Variants in GALNT13 observed in about 807,000 individuals in gnomAD.
GALNT13 encodes UDP-GalNAc:polypeptide N-acetylgalactosaminyltransferase 13.
In GALNT13, 28 loss-of-function variants were observed where a neutral mutation model predicts 64.2. The observed-to-expected ratio is 0.44, with a 90% CI of 0.32 to 0.60. The LOEUF is 0.60. Among genes scored for constraint, GALNT13 ranks in the 20% least tolerant of loss-of-function variants. GALNT13 has a pLI of 0.05. For synonymous variants in GALNT13, 214 were observed against 224.6 expected (o/e 0.95, Z 0.42); for missense variants, 577 against 669.8 (o/e 0.86, Z 1.53).
At chr2:153,695,341 A>G in the GALNT13 span, among the ~76,000 whole-genome samples, 1 of 152,210 alleles carries the variant, frequency 6.6e-6, no homozygotes, top group Non-Finnish European at 1.5e-5. Context: ...TCAAAAATAC[A>G]AGTTTATAGA....
the GALNT13 span, among the ~76,000 whole-genome samples, chr2:153,439,056 C>T: frequency 6.6e-6 from 1 of 152,174 alleles, no homozygotes; most frequent in Non-Finnish European, 1.5e-5. Context: ...CCCTCAGTTG[C>T]AGGTCTGTTG....
chr2:153,471,835 C>T, the GALNT13 span, among the ~76,000 whole-genome samples: 2 of 152,140 alleles, frequency 1.3e-5, no homozygotes, highest in African/African-American at 4.8e-5. Flanking sequence ...ATTTACTGGA[C>T]ATTTTGAGAC....
At chr2:153,734,815 CT>C in the GALNT13 span, among the ~76,000 whole-genome samples, 3 of 152,098 alleles carry the variant, frequency 2.0e-5, no homozygotes, top group Non-Finnish European at 2.9e-5. Flanking sequence ...AGTTGAACAT[CT>C]TGAGATGTAA....
chr2:153,409,414 A>G, the GALNT13 span, among the ~76,000 whole-genome samples: 1 of 141,376 alleles, frequency 7.1e-6, no homozygotes, highest in African/African-American at 2.8e-5. Flanking sequence ...CTGTCCCTCT[A>G]GAGAGCCCTG....
chr2:153,258,925 G>A, the GALNT13 span, among the ~76,000 whole-genome samples: 1 of 152,138 alleles, frequency 6.6e-6, no homozygotes, highest in Non-Finnish European at 1.5e-5. Flanking sequence ...TTATTCTATA[G>A]CCATTAGATG....
intron 3 of GALNT13, among the ~76,000 whole-genome samples, chr2:153,951,535 C>T (rs1203803347): frequency 6.6e-6 from 1 of 152,026 alleles, no homozygotes; most frequent in Non-Finnish European, 1.5e-5. Context: ...GGATTGCTTG[C>T]TTGATTCTGG....
At chr2:154,079,586 G>T (rs989383916) in intron 3 of GALNT13, among the ~76,000 whole-genome samples, 7 of 151,526 alleles carry the variant, frequency 4.6e-5, no homozygotes, top group Non-Finnish European at 4.4e-5. Flanking sequence ...TTATATGCTG[G>T]ACTACTTCTT....
chr2:153,172,349 TAG>T, the GALNT13 span, among the ~76,000 whole-genome samples: 2 of 151,882 alleles, frequency 1.3e-5, no homozygotes, highest in East Asian at 3.9e-4. Flanking sequence ...TCTCTTGAAG[TAG>T]AGAGATAGAA....
intron 3 of GALNT13, among the ~76,000 whole-genome samples, chr2:154,005,053 G>T (rs1387622620): frequency 6.6e-6 from 1 of 152,006 alleles, no homozygotes; most frequent in Non-Finnish European, 1.5e-5. Context: ...ACCTTATTTT[G>T]TGCATGTTTC....
At chr2:153,084,008 T>G in the GALNT13 span, among the ~76,000 whole-genome samples, 1 of 152,164 alleles carries the variant, frequency 6.6e-6, no homozygotes, top group Non-Finnish European at 1.5e-5. Context: ...TTTCTCCACT[T>G]TATGTTTTTG....
chr2:153,524,291 G>C, the GALNT13 span, among the ~76,000 whole-genome samples: 3 of 151,014 alleles, frequency 2.0e-5, no homozygotes, highest in African/African-American at 4.9e-5. Flanking sequence ...TTCTATGCTG[G>C]CTTCATAGAA....
At chr2:154,186,111 G>A (rs528820827) in intron 4 of GALNT13, among the ~76,000 whole-genome samples, 3 of 151,900 alleles carry the variant, frequency 2.0e-5, no homozygotes, top group Non-Finnish European at 4.4e-5. Flanking sequence ...AATGATACAA[G>A]TATTCTTAAA....
the GALNT13 span, among the ~76,000 whole-genome samples, chr2:153,259,628 AT>A: frequency 6.6e-6 from 1 of 152,106 alleles, no homozygotes; most frequent in Non-Finnish European, 1.5e-5. Flanking sequence ...TATTGGTTTT[AT>A]AAAATGCAGT....
At chr2:153,125,888 G>T in the GALNT13 span, among the ~76,000 whole-genome samples, 1 of 152,086 alleles carries the variant, frequency 6.6e-6, no homozygotes, top group African/African-American at 2.4e-5. Flanking sequence ...GGTTTATGTA[G>T]AGTATAGTCA....
chr2:153,266,684 A>T, the GALNT13 span, among the ~76,000 whole-genome samples: 149 of 152,228 alleles, frequency 9.8e-4, no homozygotes, highest in Middle Eastern at 3.4e-3. Flanking sequence ...TGCCCCCATG[A>T]TCCAATCACA....
chr2:153,245,610 C>A, the GALNT13 span, among the ~76,000 whole-genome samples: 1 of 152,102 alleles, frequency 6.6e-6, no homozygotes, highest in Non-Finnish European at 1.5e-5. Flanking sequence ...AAAGACCTCC[C>A]CCCCTCCCAA....
chr2:153,486,237 A>G, the GALNT13 span, among the ~76,000 whole-genome samples: 3 of 152,082 alleles, frequency 2.0e-5, no homozygotes, highest in Non-Finnish European at 4.4e-5. Flanking sequence ...GCCCAGCCTC[A>G]CCTTCCTTTT....
chr2:153,873,191 G>T (rs973347257), intron 1 of GALNT13, among the ~76,000 whole-genome samples: 1 of 152,174 alleles, frequency 6.6e-6, no homozygotes, highest in Non-Finnish European at 1.5e-5. Context: ...CAGGTGCAGA[G>T]ATTTTCCTGC....
chr2:153,663,016 A>T, the GALNT13 span, among the ~76,000 whole-genome samples: 1 of 152,198 alleles, frequency 6.6e-6, no homozygotes, highest in Non-Finnish European at 1.5e-5. Context: ...AACATACAGA[A>T]TCCACAAAGG....
Sources: allele counts gnomAD v4.1 joint callset (sites outside exome capture counted in the v4.1 genomes callset), GRCh38; gene constraint gnomAD v4.1.1; transcripts MANE v1.5; gene names NCBI Gene and HGNC (gene_info 2026-07-23, HGNC 2026-07-21).